Variants in CACNA2D3 observed in about 807,000 individuals in gnomAD.
The protein encoded by CACNA2D3 is calcium voltage-gated channel auxiliary subunit alpha2delta 3.
In CACNA2D3, 60 loss-of-function variants were observed where a neutral mutation model predicts 160.6. The observed-to-expected ratio is 0.37, with a 90% CI of 0.30 to 0.46. CACNA2D3 has a LOEUF of 0.46. CACNA2D3 is among the 20% of genes least tolerant of loss of function. CACNA2D3 has a pLI of 1.00. For missense variants in CACNA2D3, 1,205 were observed against 1,365.0 expected (o/e 0.88, Z 1.85); for synonymous variants, 558 against 492.9 (o/e 1.13, Z -1.75).
At chr3:54,828,881 T>A in intron 14 of CACNA2D3, among the ~76,000 whole-genome samples, 1 of 152,230 alleles carries the variant, frequency 6.6e-6, no homozygotes, top group East Asian at 1.9e-4. Context: ...CAAAATATCT[T>A]TTTTGTAGCA....
chr3:54,815,690 A>G (rs1289826062), intron 13 of CACNA2D3, among the ~76,000 whole-genome samples: 1 of 152,212 alleles, frequency 6.6e-6, no homozygotes, highest in Admixed American at 6.5e-5. Flanking sequence ...TTGTTTATCT[A>G]TGGGACGTTG....
At chr3:54,435,256 G>A in intron 4 of CACNA2D3, among the ~76,000 whole-genome samples, 1 of 152,152 alleles carries the variant, frequency 6.6e-6, no homozygotes, top group East Asian at 1.9e-4. Flanking sequence ...GTTCTGCAGG[G>A]AGAGAAGCAA....
intron 3 of CACNA2D3, among the ~76,000 whole-genome samples, chr3:54,350,968 G>GGTTTTTTTTT (rs1698542647): frequency 1.8e-5 from 1 of 56,106 alleles, no homozygotes; most frequent in Non-Finnish European, 3.5e-5. Context: ...TCTTGAGTCT[G>GGTTTTTTTTT]TTTTTTTTTT....
At chr3:54,807,853 C>T (rs1703173650) in intron 13 of CACNA2D3, among the ~76,000 whole-genome samples, 2 of 150,232 alleles carry the variant, frequency 1.3e-5, no homozygotes, top group African/African-American at 4.9e-5. Context: ...GGCACATATA[C>T]ACCATGGAAT....
intron 11 of CACNA2D3, among the ~76,000 whole-genome samples, chr3:54,643,654 T>C (rs931160346): frequency 1.8e-4 from 27 of 152,218 alleles, no homozygotes; most frequent in Admixed American, 6.5e-4. Context: ...ATGTGGTAAC[T>C]TCCAGAGACA....
intron 10 of CACNA2D3, among the ~76,000 whole-genome samples, chr3:54,631,236 A>ACACACACAC (rs1559532534): frequency 1.3e-5 from 2 of 151,522 alleles, no homozygotes; most frequent in African/African-American, 2.4e-5. Context: ...ACACACACAC[A>ACACACACAC]AAGATAAATG....
chr3:54,305,793 C>G (rs973321708), intron 2 of CACNA2D3, among the ~76,000 whole-genome samples: 3 of 152,226 alleles, frequency 2.0e-5, no homozygotes, highest in African/African-American at 7.2e-5. Flanking sequence ...TCACTAACCT[C>G]TAACCAAAAC....
chr3:54,764,256 G>C lies in CACNA2D3; in HGVS notation c.1285G>C (p.Glu429Gln), dbSNP rs762052843. ...TQISTLADVQ[E>Q]NVMEYLHVLS... ...GATCTCCACCTTGGCTGATGTGCAGGAGAATGTCATGGAATACCTTCACGT... is the reference window on the plus strand; with the variant it reads ...GATCTCCACCTTGGCTGATGTGCAGCAGAATGTCATGGAATACCTTCACGT... The change falls in exon 13 of 38, where the codon GAG (glutamate) becomes CAG (glutamine). Residue 429 changes from glutamate to glutamine, a missense_variant. By Grantham distance (29) the Glu-to-Gln change is conservative. Transcript: ENST00000474759. 11 of 1,613,730 alleles carry C rather than the reference G, an allele frequency of 6.8e-6. No individual in the cohort carries two copies. In the South Asian group the frequency reaches 7.7e-5, roughly 11 times the overall value.
intron 35 of CACNA2D3, among the ~76,000 whole-genome samples, chr3:55,026,159 T>C (rs1403702982): frequency 6.6e-6 from 1 of 152,120 alleles, no homozygotes; most frequent in African/African-American, 2.4e-5. Context: ...ATAACCACTC[T>C]CTTGATTTCT....
In CACNA2D3 at chr3:55,074,477, G is replaced by C; in HGVS notation, c.*271G>C. 1 of 452,864 alleles carries C rather than the reference G, an allele frequency of 2.2e-6. No individual in the cohort carries two copies. Among genetic ancestry groups the C allele is most frequent in the Non-Finnish European group, 4.0e-6 (1 of 251,680 alleles). The allele number at this position is 452,864 out of a possible 1,614,324, so 28.1% of individuals were successfully genotyped here. ...ATCAGAAATGGGACCGCAAGTGGTA[G>C]GCAGTGTCCCTTCTGCTTGAAACCT... is the stretch of plus-strand genomic sequence containing the variant. On this transcript the variant is annotated 3_prime_UTR_variant, in exon 38 of 38. Coordinates refer to ENST00000474759, the MANE Select transcript of CACNA2D3 (RefSeq NM_018398.3).
At chr3:54,462,248 A>G (rs1700520217) in intron 4 of CACNA2D3, among the ~76,000 whole-genome samples, 1 of 152,124 alleles carries the variant, frequency 6.6e-6, no homozygotes, top group African/African-American at 2.4e-5. Flanking sequence ...AAAAATGTAT[A>G]TTCTGTTGAT....
rs1433759183 is a variant in CACNA2D3, at chr3:54,320,520, A to G, written c.283A>G (p.Met95Val). 2 of 1,567,676 alleles carry G rather than the reference A, an allele frequency of 1.3e-6. No homozygotes were observed. Among genetic ancestry groups the G allele is most frequent in the Admixed American group, 1.9e-5 (1 of 52,984 alleles). The change falls in exon 3 of 38, where the codon ATG becomes GTG. Residue 95 changes from methionine to valine, a missense_variant. By Grantham distance (21) the Met-to-Val change is conservative. Around this residue, in one of 3 missense-constraint regions of CACNA2D3, gnomAD observed 163 missense variants for 161.3 expected, o/e 1.01. Coordinates refer to ENST00000474759, the MANE Select transcript of CACNA2D3 (RefSeq NM_018398.3). ...LQLVKKLAKNMEEMFHKKSEA... is the reference protein window; with the variant it reads ...LQLVKKLAKNVEEMFHKKSEA... ...ACTGGTAAAGAAGCTGGCAAAGAAC[A>G]TGGAAGAGATGTTTCACAAGAAGTC...
At chr3:54,304,780 G>T (rs1038035262) in intron 2 of CACNA2D3, among the ~76,000 whole-genome samples, 1 of 152,012 alleles carries the variant, frequency 6.6e-6, no homozygotes, top group East Asian at 1.9e-4. Context: ...CTCCATTTTA[G>T]GTTTTATGTT....
intron 6 of CACNA2D3, among the ~76,000 whole-genome samples, chr3:54,566,643 A>G (rs1163389389): frequency 6.6e-6 from 1 of 152,204 alleles, no homozygotes; most frequent in African/African-American, 2.4e-5. Flanking sequence ...ACAGGACATC[A>G]GTTAGGTTCA....
chr3:54,521,369 T>A (rs767047456), intron 5 of CACNA2D3, among the ~76,000 whole-genome samples: 2 of 152,228 alleles, frequency 1.3e-5, no homozygotes, highest in Non-Finnish European at 2.9e-5. Context: ...TCTCTTTAGA[T>A]CCTTTGTTCA....
intron 2 of CACNA2D3, among the ~76,000 whole-genome samples, chr3:54,212,020 G>A (rs1701382723): frequency 6.6e-6 from 1 of 152,028 alleles, no homozygotes; most frequent in Non-Finnish European, 1.5e-5. Context: ...CTCTTGCCAA[G>A]AAACCCTGAG....
rs1250888897 is a variant in CACNA2D3, at chr3:54,122,735, C to T, written c.22C>T (p.Arg8Cys). ...CAGCATGGCCGGGCCGGGCTCGCCG[C>T]GCCGCGCGTCCCGGGGGGCCTCGGC... The part of the protein sequence containing the change: MAGPGSP[R>C]RASRGASALL... The change falls in exon 1 of 38, where the codon CGC becomes TGC. Residue 8 changes from arginine (R) to cysteine (C), a missense_variant. Transcript: ENST00000474759. The T allele has an allele frequency of 1.6e-6, 2 of 1,212,224 alleles. No homozygotes were observed. Among genetic ancestry groups the T allele is most frequent in the African/African-American group, 1.6e-5 (1 of 63,172 alleles). 75.1% of individuals were successfully genotyped at this position (1,212,224 alleles called of 1,614,324 possible).
intron 24 of CACNA2D3, among the ~76,000 whole-genome samples, 157 bp from the exon 25 acceptor site, chr3:54,891,180 CGTGTGTGTGTGTGTGTGT>C (rs3836392): frequency 2.3e-4 from 32 of 141,994 alleles, no homozygotes; most frequent in Non-Finnish European, 3.2e-4. Flanking sequence ...AATCTGTGCT[CGTGTGTGTGTGTGTGTGT>C]GTGTGTGTGT....
At chr3:54,456,880 T>G (rs1700407218) in intron 4 of CACNA2D3, among the ~76,000 whole-genome samples, 1 of 152,020 alleles carries the variant, frequency 6.6e-6, no homozygotes, top group Non-Finnish European at 1.5e-5. Context: ...TTCCAGTTTT[T>G]TGGCCTATAG....
Sources: allele counts gnomAD v4.1 joint callset (sites outside exome capture counted in the v4.1 genomes callset), GRCh38; gene constraint gnomAD v4.1.1; regional missense constraint gnomAD v4.1.1; transcripts MANE v1.5; gene names NCBI Gene and HGNC (gene_info 2026-07-23, HGNC 2026-07-21).